The following COPB1 variants were observed in gnomAD, a reference collection of about 807,000 sequenced individuals.
COPB1 encodes the protein coat protein complex I subunit beta 1.
Under a neutral mutation model 108.7 loss-of-function variants are expected in COPB1, and 21 were observed. The ratio of observed to expected loss-of-function variants is 0.19; its 90% CI spans 0.14 to 0.28. COPB1 has a LOEUF of 0.28. Among genes scored for constraint, COPB1 ranks in the 10% least tolerant of loss-of-function variants. The pLI, the probability that COPB1 is intolerant of heterozygous loss-of-function variation, is 1.00. For synonymous variants in COPB1, 378 were observed against 386.8 expected (o/e 0.98, Z 0.27); for missense variants, 919 against 1,141.3 (o/e 0.81, Z 2.81).
At chr11:14,468,651 T>A (rs758863110) in intron 16 of COPB1, 30 bp downstream of exon 16, 2 of 1,595,912 alleles carry the variant, frequency 1.3e-6, no homozygotes, top group Non-Finnish European at 1.7e-6. Context: ...TCGATTTAAA[T>A]AATTTAGAGT....
intron 6 of COPB1, among the ~76,000 whole-genome samples, chr11:14,487,205 G>T (rs973809296): frequency 6.6e-6 from 1 of 151,814 alleles, no homozygotes; most frequent in Non-Finnish European, 1.5e-5. Context: ...TTTCTCTTTT[G>T]AAGTCAGTAT....
intron 11 of COPB1, among the ~76,000 whole-genome samples, chr11:14,477,389 C>CAAAAAAGAAAAA: frequency 1.4e-5 from 1 of 73,286 alleles, no homozygotes; most frequent in African/African-American, 5.3e-5. Context: ...GACTCCGTCT[C>CAAAAAAGAAAAA]AAAAAAAAAA....
chr11:14,475,330 A>G (rs1027388477), intron 13 of COPB1, among the ~76,000 whole-genome samples: 6 of 152,152 alleles, frequency 3.9e-5, no homozygotes, highest in Non-Finnish European at 7.4e-5. Context: ...GAGACAAACT[A>G]CTTAGCACAA....
chr11:14,461,156 G>GTATA, intron 19 of COPB1, 30 bp downstream of exon 19: 1 of 1,613,662 alleles, frequency 6.2e-7, no homozygotes, highest in Non-Finnish European at 8.5e-7. Flanking sequence ...GAAAGATAAA[G>GTATA]GAATATGAGA....
chr11:14,488,868 T>C (rs1850833432), intron 5 of COPB1, among the ~76,000 whole-genome samples: 1 of 152,194 alleles, frequency 6.6e-6, no homozygotes. Flanking sequence ...AGGGTATCCA[T>C]ACAATCAAAA....
intron 16 of COPB1, among the ~76,000 whole-genome samples, 194 bp from the exon 17 acceptor site, chr11:14,466,620 A>C (rs982826732): frequency 2.0e-5 from 3 of 152,204 alleles, no homozygotes; most frequent in Admixed American, 2.0e-4. Flanking sequence ...CAGGTCCTAG[A>C]GTTTAAGACA....
intron 11 of COPB1, among the ~76,000 whole-genome samples, chr11:14,477,665 C>T (rs564685213): frequency 3.9e-5 from 6 of 151,966 alleles, no homozygotes; most frequent in African/African-American, 9.7e-5. Flanking sequence ...GAGGCTGAGG[C>T]GGGCGGATCA....
intron 14 of COPB1, among the ~76,000 whole-genome samples, chr11:14,473,468 T>TAA (rs974151148): frequency 1.3e-5 from 2 of 152,192 alleles, no homozygotes; most frequent in Non-Finnish European, 2.9e-5. Flanking sequence ...ATGTGACTCT[T>TAA]CCCTTCACTT....
At chr11:14,468,905 A>ATG in intron 15 of COPB1, 45 bp from the exon 16 acceptor site, 1 of 1,522,246 alleles carries the variant, frequency 6.6e-7, no homozygotes, top group Middle Eastern at 1.7e-4. Context: ...ATGAAAAGAT[A>ATG]GTTTTTTAGA....
chr11:14,463,789 A>C (rs1388712145), intron 18 of COPB1, among the ~76,000 whole-genome samples: 1 of 152,164 alleles, frequency 6.6e-6, no homozygotes, highest in African/African-American at 2.4e-5. Flanking sequence ...AAACAACCCA[A>C]TAAACCTAAT....
rs1850641998 is a variant in COPB1, at chr11:14,480,696, A to G, written c.1212+63T>C. ...CTGAGATTTCTGGAGTTTGTCAAAT[A>G]ACTATATTTTTTAAAAAATTCTTTT... is the stretch of plus-strand genomic sequence containing the variant. On this transcript the variant is annotated intron_variant, in intron 10 of 21. Coordinates refer to ENST00000439561, the MANE Select transcript of COPB1 (RefSeq NM_001144061.2). 2.0e-6 allele frequency: 3 copies of G among 1,493,954 alleles called. No homozygotes were observed. The South Asian group carries it at 3.7e-5, about 19-fold the overall frequency. 92.5% of individuals were successfully genotyped at this position (1,493,954 alleles called of 1,614,324 possible).
intron 8 of COPB1, among the ~76,000 whole-genome samples, chr11:14,481,402 T>C (rs1020371616): frequency 6.6e-5 from 10 of 152,170 alleles, no homozygotes; most frequent in Non-Finnish European, 1.5e-5. Flanking sequence ...CGTAAGAAAG[T>C]AGCCATACAC....
At chr11:14,473,579 C>CAGTTGGTGGAGCAGTT (rs1554963578) in intron 14 of COPB1, among the ~76,000 whole-genome samples, 7 of 17,824 alleles carry the variant, frequency 3.9e-4, no homozygotes, top group Non-Finnish European at 6.2e-4. Context: ...GGGTAACAGC[C>CAGTTGGTGGAGCAGTT]GGAACACACA....
intron 4 of COPB1, among the ~76,000 whole-genome samples, chr11:14,491,428 G>C (rs1006764283): frequency 6.6e-6 from 1 of 152,172 alleles, no homozygotes; most frequent in Non-Finnish European, 1.5e-5. Flanking sequence ...CCAGCACTTT[G>C]AGAGGCCCAG....
chr11:14,458,417 G>A (rs1850073852), intron 21 of COPB1, 115 bp downstream of exon 21: 1 of 937,596 alleles, frequency 1.1e-6, no homozygotes, highest in Non-Finnish European at 1.5e-6. Flanking sequence ...TATTATTATT[G>A]TATGTGTATA....
intron 16 of COPB1, 121 bp from the exon 17 acceptor site, chr11:14,466,547 AG>A (rs1468519844): frequency 5.4e-6 from 5 of 930,174 alleles, no homozygotes; most frequent in Non-Finnish European, 7.8e-6. Flanking sequence ...ATTTTGAGAT[AG>A]GTAAAATAAA....
rs139479975 is a variant in COPB1 at position 14,466,406 on chromosome 11, G to A, written c.2166C>T (p.Phe722=). ...AAGCTTCTGCATATACAGGATCTGAGAAACCTGTCAATTGGGTGACCTGTC... is the reference window on the plus strand; with the variant it reads ...AAGCTTCTGCATATACAGGATCTGAAAAACCTGTCAATTGGGTGACCTGTC... ...KLNKVTQLTG[F]SDPVYAEAYV... Residue 722 remains phenylalanine (F), a synonymous_variant, in exon 17 of 22, where the codon TTC becomes TTT. Coordinates refer to ENST00000439561, the MANE Select transcript of COPB1 (RefSeq NM_001144061.2). 20 of 1,611,702 alleles carry A rather than the reference G, an allele frequency of 1.2e-5. No individual in the cohort carries two copies. In the African/African-American group the frequency reaches 2.5e-4, roughly 20 times the overall value.
At chr11:14,491,444 C>A (rs1355238897) in intron 4 of COPB1, among the ~76,000 whole-genome samples, 1 of 152,086 alleles carries the variant, frequency 6.6e-6, no homozygotes, top group African/African-American at 2.4e-5. Flanking sequence ...CCCAGGTGGG[C>A]GGATCACCTG....
At position 14,480,809 on chromosome 11, in the gene COPB1, G is replaced by C; in HGVS notation, c.1162C>G (p.His388Asp). Residue 388 changes from histidine (H) to aspartate (D), a missense_variant, in exon 10 of 22, where the codon CAT (histidine) becomes GAT (aspartate). By Grantham distance (81) the His-to-Asp change is moderately conservative (BLOSUM62 -1). Around this residue, in one of 5 missense-constraint regions of COPB1, gnomAD observed 705 missense variants for 817.8 expected, o/e 0.86. Transcript: ENST00000439561. ...TCTGGAAATCGGACAGAACAGGAATGCAATGTTCGCACTAGGAGTTGTCTG... is the reference window on the plus strand; with the variant it reads ...TCTGGAAATCGGACAGAACAGGAATCCAATGTTCGCACTAGGAGTTGTCTG... ...KYRQLLVRTL[H>D]SCSVRFPDMA... 6.2e-7 allele frequency: 1 copy of C among 1,614,016 alleles called. No individual in the cohort carries two copies. Among genetic ancestry groups the C allele is most frequent in the Non-Finnish European group, 8.5e-7 (1 of 1,179,898 alleles).
Sources: allele counts gnomAD v4.1 joint callset (sites outside exome capture counted in the v4.1 genomes callset), GRCh38; gene constraint gnomAD v4.1.1; regional missense constraint gnomAD v4.1.1; transcripts MANE v1.5; gene names NCBI Gene and HGNC (gene_info 2026-07-23, HGNC 2026-07-21).